Variants in GABRB1 observed in about 807,000 individuals in gnomAD.
GABRB1 encodes gamma-aminobutyric acid receptor subunit beta-1.
Under a neutral mutation model 51.6 loss-of-function variants are expected in GABRB1, and 17 were observed. The ratio of observed to expected loss-of-function variants is 0.33; its 90% confidence interval spans 0.23 to 0.49. The LOEUF (loss-of-function observed/expected upper bound fraction) is 0.49. Among genes scored for constraint, GABRB1 ranks in the 20% least tolerant of loss-of-function variants. GABRB1 has a pLI of 0.99. For synonymous variants in GABRB1, 247 were observed against 218.9 expected, an observed-to-expected ratio of 1.13 and a Z score of -1.14; for missense variants, 410 against 600.6, an observed-to-expected ratio of 0.68 and a Z score of 3.32.
chr4:47,047,904 TGACTGTAAG>T (rs1363861946), intron 3 of GABRB1, among the ~76,000 whole-genome samples: 1 of 152,114 alleles, frequency 6.6e-6, no homozygotes, highest in Non-Finnish European at 1.5e-5. Context: ...AAGAGCATCT[TGACTGTAAG>T]GAGTGAGAAG....
chr4:47,047,055 C>T (rs1726125653), intron 3 of GABRB1, among the ~76,000 whole-genome samples: 1 of 151,994 alleles, frequency 6.6e-6, no homozygotes, highest in African/African-American at 2.4e-5. Context: ...GGCTTAACAC[C>T]TGGGTGATGA....
intron 4 of GABRB1, among the ~76,000 whole-genome samples, chr4:47,288,010 G>T (rs1379390698): frequency 6.6e-6 from 1 of 152,144 alleles, no homozygotes; most frequent in Non-Finnish European, 1.5e-5. Flanking sequence ...AAGGGCTTGA[G>T]GCAGAGGCAC....
intron 4 of GABRB1, among the ~76,000 whole-genome samples, chr4:47,296,424 C>G (rs1156449660): frequency 6.6e-6 from 1 of 151,956 alleles, no homozygotes; most frequent in Admixed American, 6.6e-5. Context: ...ATCTACCAAG[C>G]AAATGGAAAA....
chr4:47,333,813 G>A (rs898097300), intron 5 of GABRB1, among the ~76,000 whole-genome samples: 1 of 152,058 alleles, frequency 6.6e-6, no homozygotes, highest in African/African-American at 2.4e-5. Flanking sequence ...ATTTCTGTGT[G>A]TTAATCTTCA....
chr4:47,400,226 A>G (rs1351431895), intron 5 of GABRB1, among the ~76,000 whole-genome samples: 1 of 152,204 alleles, frequency 6.6e-6, no homozygotes, highest in East Asian at 1.9e-4. Context: ...GTTTTAGAAT[A>G]AAAAGTTGCC....
intron 5 of GABRB1, among the ~76,000 whole-genome samples, chr4:47,376,712 AG>A (rs931321935): frequency 5.9e-5 from 9 of 152,150 alleles, no homozygotes; most frequent in African/African-American, 2.2e-4. Context: ...GGAGGAGTAG[AG>A]GCACAAGCTA....
chr4:47,329,472 T>G (rs1227434805), intron 5 of GABRB1, among the ~76,000 whole-genome samples: 2 of 148,834 alleles, frequency 1.3e-5, no homozygotes, highest in African/African-American at 2.4e-5. Flanking sequence ...ATATGGAATA[T>G]ATAGCATATA....
At chr4:47,116,205 T>C (rs1351871802) in intron 3 of GABRB1, among the ~76,000 whole-genome samples, 1 of 152,220 alleles carries the variant, frequency 6.6e-6, no homozygotes, top group Non-Finnish European at 1.5e-5. Context: ...ATGGGATCCA[T>C]AAATAAGGTT....
chr4:47,233,986 T>G (rs1721233788), intron 4 of GABRB1, among the ~76,000 whole-genome samples: 1 of 152,224 alleles, frequency 6.6e-6, no homozygotes, highest in Non-Finnish European at 1.5e-5. Context: ...ATGATTGCCA[T>G]GAAATATTGC....
chr4:47,019,627 CTTTCTTTCTTTCTTTCTT>C (rs1335263260), intron 1 of GABRB1, among the ~76,000 whole-genome samples: 5 of 87,646 alleles, frequency 5.7e-5, no homozygotes, highest in African/African-American at 1.0e-4. Context: ...CTTTCTCTCT[CTTTCTTTCTTTCTTTCTT>C]TCTTTCTTTC....
chr4:47,243,006 T>C (rs1721591801), intron 4 of GABRB1, among the ~76,000 whole-genome samples: 1 of 152,246 alleles, frequency 6.6e-6, no homozygotes, highest in Non-Finnish European at 1.5e-5. Flanking sequence ...TTGTAGGGTT[T>C]TTATGGTTTT....
At chr4:47,177,420 A>G (rs912774067) in intron 4 of GABRB1, among the ~76,000 whole-genome samples, 1 of 152,168 alleles carries the variant, frequency 6.6e-6, no homozygotes, top group African/African-American at 2.4e-5. Flanking sequence ...AAAGTCTATC[A>G]TTTCAAAGAA....
chr4:47,042,022 G>A lies in GABRB1; in HGVS notation c.240+9538G>A, dbSNP rs7356295. 3.5e-3 allele frequency among the ~76,000 whole-genome samples: 539 copies of A among 152,008 alleles called. 2 individuals are homozygous for A. Among genetic ancestry groups the A allele is most frequent in the Non-Finnish European group, 5.8e-3 (397 of 67,946 alleles). ...AAGACAAAAGACCCAATATAATTTA[G>A]GAATTATACATATAAAGGTCTTCCT... On this transcript the variant is annotated intron_variant, in intron 3 of 8. Transcript: ENST00000295454.
chr4:47,063,539 A>T (rs900089481), intron 3 of GABRB1, among the ~76,000 whole-genome samples: 7 of 152,214 alleles, frequency 4.6e-5, no homozygotes, highest in Admixed American at 1.3e-4. Flanking sequence ...ACGAGTCTCC[A>T]CATGATGCCA....
chr4:47,081,248 G>A (rs545745664), intron 3 of GABRB1, among the ~76,000 whole-genome samples: 11 of 152,220 alleles, frequency 7.2e-5, no homozygotes, highest in Admixed American at 3.3e-4. Flanking sequence ...GTGGAAGCAC[G>A]TTTATGCAAA....
At chr4:47,335,019 T>C (rs1456573237) in intron 5 of GABRB1, among the ~76,000 whole-genome samples, 1 of 152,156 alleles carries the variant, frequency 6.6e-6, no homozygotes, top group East Asian at 1.9e-4. Flanking sequence ...AGTAGAAAAG[T>C]CCATCTTAGT....
At chr4:47,306,824 TG>T (rs1484650383) in intron 4 of GABRB1, among the ~76,000 whole-genome samples, 1 of 152,174 alleles carries the variant, frequency 6.6e-6, no homozygotes, top group African/African-American at 2.4e-5. Context: ...TCATTTTAAA[TG>T]CTGTAAAGTA....
At chr4:47,053,634 T>G (rs910384872) in intron 3 of GABRB1, among the ~76,000 whole-genome samples, 1 of 152,162 alleles carries the variant, frequency 6.6e-6, no homozygotes, top group African/African-American at 2.4e-5. Context: ...CACCTAACAT[T>G]AGCCAACCAT....
At chr4:47,216,228 T>C (rs543538513) in intron 4 of GABRB1, among the ~76,000 whole-genome samples, 1 of 151,998 alleles carries the variant, frequency 6.6e-6, no homozygotes, top group Non-Finnish European at 1.5e-5. Context: ...CAGTTTATTA[T>C]ATCAAAATAC....
Sources: allele counts gnomAD v4.1 joint callset (sites outside exome capture counted in the v4.1 genomes callset), GRCh38; gene constraint gnomAD v4.1.1; transcripts MANE v1.5; gene names NCBI Gene and HGNC (gene_info 2026-07-23, HGNC 2026-07-21).